Variants in GNA12 observed in about 807,000 individuals in gnomAD.
GNA12 encodes guanine nucleotide-binding protein subunit alpha-12.
A neutral mutation model predicts 26.0 loss-of-function variants in GNA12; 9 were observed. That is an observed-to-expected ratio of 0.35 (90% confidence interval 0.21 to 0.60). GNA12 has a LOEUF of 0.60. GNA12 is among the 20% of genes least tolerant of loss of function. The pLI is 0.78. For missense variants in GNA12, 405 were observed against 525.8 expected (o/e 0.77, Z 2.25); for synonymous variants, 264 against 219.6 (o/e 1.20, Z -1.79).
intron 2 of GNA12, among the ~76,000 whole-genome samples, chr7:2,742,301 C>A (rs1790547237): frequency 6.6e-6 from 1 of 152,096 alleles, no homozygotes; most frequent in South Asian, 2.1e-4. Context: ...CAGGTGTGAG[C>A]CACCACGCCC....
chr7:2,740,504 A>G (rs1394842832), intron 2 of GNA12, among the ~76,000 whole-genome samples: 1 of 152,036 alleles, frequency 6.6e-6, no homozygotes, highest in African/African-American at 2.4e-5. Flanking sequence ...TCAATTTCCA[A>G]TCTCCAGAGC....
At chr7:2,830,353 G>C (rs1348395398) in intron 1 of GNA12, among the ~76,000 whole-genome samples, 1 of 152,226 alleles carries the variant, frequency 6.6e-6, no homozygotes, top group Non-Finnish European at 1.5e-5. Flanking sequence ...CAGGTGGATG[G>C]AGATGAAAAT....
chr7:2,763,117 T>G (rs1791647337), intron 2 of GNA12: 11 of 1,242,620 alleles, frequency 8.9e-6, no homozygotes, highest in Non-Finnish European at 1.1e-5. Flanking sequence ...TGAAGTCATC[T>G]TCCTCTCTCT....
chr7:2,780,247 A>G (rs1792195409), intron 2 of GNA12, among the ~76,000 whole-genome samples: 1 of 151,664 alleles, frequency 6.6e-6, no homozygotes, highest in African/African-American at 2.4e-5. Flanking sequence ...CATGGTCAGT[A>G]TTCCAGTTTA....
intron 2 of GNA12, among the ~76,000 whole-genome samples, chr7:2,747,185 C>T (rs1019589018): frequency 2.2e-4 from 34 of 152,294 alleles, no homozygotes; most frequent in Middle Eastern, 3.4e-3. Flanking sequence ...CCAGCATCAT[C>T]CTGATACCAA....
intron 2 of GNA12, among the ~76,000 whole-genome samples, chr7:2,752,406 C>T (rs537588527): frequency 6.6e-6 from 1 of 152,290 alleles, no homozygotes; most frequent in East Asian, 1.9e-4. Context: ...ACTTTTACTG[C>T]TTCTGGTCAA....
chr7:2,742,811 A>C (rs774312858), intron 2 of GNA12, among the ~76,000 whole-genome samples: 1 of 152,226 alleles, frequency 6.6e-6, no homozygotes, highest in African/African-American at 2.4e-5. Context: ...GGCATCTTTA[A>C]ACATTTCCCA....
At chr7:2,775,410 T>C (rs1294568662) in intron 2 of GNA12, 2 of 151,552 alleles carry the variant, frequency 1.3e-5, no homozygotes, top group African/African-American at 4.9e-5. Flanking sequence ...AGACGAAGAG[T>C]GGGAACGACA....
intron 2 of GNA12, among the ~76,000 whole-genome samples, chr7:2,771,361 G>A (rs1335910372): frequency 6.6e-6 from 1 of 152,076 alleles, no homozygotes; most frequent in Non-Finnish European, 1.5e-5. Context: ...GATGACTTCT[G>A]ACATATGCAT....
At position 2,782,477 on chromosome 7, in the gene GNA12, T is replaced by C. The variant is rs189531670; in HGVS notation, c.525+12451A>G. On this transcript the variant is annotated intron_variant, in intron 2 of 3. Transcript: ENST00000275364. ...CAATTAGATTGAGAGTTAAGCTCTC[T>C]TGTAGACACCACCTCGAGATATCAT... Among the ~76,000 whole-genome samples, 31 of 152,312 alleles carry C rather than the reference T, an allele frequency of 2.0e-4. No individual in the cohort carries two copies. In the East Asian group the frequency reaches 5.2e-3, roughly 26 times the overall value.
intron 2 of GNA12, among the ~76,000 whole-genome samples, chr7:2,770,761 G>T (rs1791928148): frequency 6.6e-6 from 1 of 152,216 alleles, no homozygotes; most frequent in East Asian, 1.9e-4. Flanking sequence ...TCCTGTGCTT[G>T]TTGCTTTGTG....
chr7:2,782,197 A>G (rs1351064770), intron 2 of GNA12, among the ~76,000 whole-genome samples: 1 of 152,256 alleles, frequency 6.6e-6, no homozygotes, highest in African/African-American at 2.4e-5. Context: ...TTAAACATAA[A>G]AAGAAAATGT....
intron 2 of GNA12, among the ~76,000 whole-genome samples, chr7:2,771,120 G>C (rs891190880): frequency 2.0e-5 from 3 of 151,948 alleles, no homozygotes; most frequent in Non-Finnish European, 4.4e-5. Context: ...GCGAAACCTC[G>C]TCTCTACTAA....
chr7:2,799,899 C>T lies in GNA12; in HGVS notation c.310-4756G>A, dbSNP rs181781927. 1.2e-3 allele frequency among the ~76,000 whole-genome samples: 184 copies of T among 152,266 alleles called. 1 individual carries two copies. Among genetic ancestry groups the T allele is most frequent in the African/African-American group, 3.6e-3 (150 of 41,554 alleles). On this transcript the variant is annotated intron_variant, in intron 1 of 3. Transcript: ENST00000275364. ...GCAACACCAAGCGGAGGTGAGGAGG[C>T]GGAGACCCCGGACCTCTCATACACT...
chr7:2,731,862 G>T lies in GNA12; in HGVS notation c.577-112C>A. The T allele has an allele frequency of 1.7e-6, 1 of 582,182 alleles. No homozygotes were observed. Among genetic ancestry groups the T allele is most frequent in the Non-Finnish European group, 2.9e-6 (1 of 349,886 alleles). The allele number at this position is 582,182 out of a possible 1,614,324, so 36.1% of individuals were successfully genotyped here. A position where few individuals can be genotyped will look rare whatever the true frequency, so the allele number is the denominator to read the frequency against. On this transcript the variant is annotated intron_variant, in intron 3 of 3. Transcript: ENST00000275364. The surrounding 1 kb of genome is among the most constrained non-coding windows in gnomAD (Gnocchi z 6.0). ...AGGAAAGAGACTGACTTTTGCAACAGGTTGAACCAGAAACCAAAAGCAAAT... is the reference window on the plus strand; with the variant it reads ...AGGAAAGAGACTGACTTTTGCAACATGTTGAACCAGAAACCAAAAGCAAAT...
chr7:2,745,156 G>T (rs112452869), intron 2 of GNA12, among the ~76,000 whole-genome samples: 21,953 of 152,164 alleles, frequency 0.14, 1,832 homozygotes, highest in Non-Finnish European at 0.2. Context: ...TCAAAATCAG[G>T]AAATACAGAG....
At chr7:2,794,538 C>T (rs913231245) in intron 2 of GNA12, among the ~76,000 whole-genome samples, 4 of 152,092 alleles carry the variant, frequency 2.6e-5, no homozygotes, top group East Asian at 1.9e-4. Context: ...GCTTCCGAGG[C>T]GCTGATCTGA....
At chr7:2,761,048 A>G (rs1791530254) in intron 2 of GNA12, among the ~76,000 whole-genome samples, 1 of 152,242 alleles carries the variant, frequency 6.6e-6, no homozygotes, top group South Asian at 2.1e-4. Flanking sequence ...AAACAATGAC[A>G]TGTAAACGGA....
chr7:2,835,764 A>G (rs1467358872), intron 1 of GNA12: 2 of 763,376 alleles, frequency 2.6e-6, no homozygotes, highest in African/African-American at 3.5e-5. Context: ...AACAACTCCA[A>G]AACGTAGAAG....
Sources: allele counts gnomAD v4.1 joint callset (sites outside exome capture counted in the v4.1 genomes callset), GRCh38; gene constraint gnomAD v4.1.1; non-coding constraint Gnocchi (gnomAD v3.1); transcripts MANE v1.5; gene names NCBI Gene and HGNC (gene_info 2026-07-23, HGNC 2026-07-21).